ZNF148: variants seen among roughly 807,000 people sequenced by gnomAD.
The protein encoded by ZNF148 is Beta-Enolase Repressor Factor-1.
In ZNF148, 7 loss-of-function variants were observed where a neutral mutation model predicts 67.7. The ratio of observed to expected loss-of-function variants is 0.10; its 90% CI spans 0.06 to 0.19. The LOEUF (loss-of-function observed/expected upper bound fraction) is 0.19. Among genes scored for constraint, ZNF148 ranks in the 10% least tolerant of loss-of-function variants. ZNF148 has a pLI of 1.00. For synonymous variants in ZNF148, 333 were observed against 330.7 expected (o/e 1.01, Z -0.08); for missense variants, 583 against 947.1 (o/e 0.62, Z 5.05).
At chr3:125,264,014 A>C (rs1035479218) in intron 7 of ZNF148, among the ~76,000 whole-genome samples, 7 of 152,214 alleles carry the variant, frequency 4.6e-5, no homozygotes, top group Non-Finnish European at 1.0e-4. Context: ...AGGTTCTGAG[A>C]GCTTCTGGGT....
chr3:125,278,814 C>A (rs984636257), intron 6 of ZNF148, among the ~76,000 whole-genome samples: 1 of 152,114 alleles, frequency 6.6e-6, no homozygotes, highest in African/African-American at 2.4e-5. Context: ...ATTTTGCACA[C>A]ACAAAAAATG....
chr3:125,234,202 C>T lies in ZNF148; in HGVS notation c.786+9G>A. Reference sequence around the variant, plus strand: ...TTACAGTAGAAGAATTTCAAGCCATCTCTCTTACCTGTAAACAGTATTCAC... The same window carrying T: ...TTACAGTAGAAGAATTTCAAGCCATTTCTCTTACCTGTAAACAGTATTCAC... On this transcript the variant is annotated intron_variant, in intron 8 of 8. Coordinates refer to ENST00000360647, the MANE Select transcript of ZNF148 (RefSeq NM_021964.3). 1.3e-6 allele frequency: 2 copies of T among 1,539,656 alleles called. No homozygotes were observed. Among genetic ancestry groups the T allele is most frequent in the Non-Finnish European group, 1.8e-6 (2 of 1,121,342 alleles).
intron 4 of ZNF148, among the ~76,000 whole-genome samples, chr3:125,309,542 T>G (rs1940082975): frequency 6.6e-6 from 1 of 152,176 alleles, no homozygotes; most frequent in African/African-American, 2.4e-5. Flanking sequence ...GCAACTAAAT[T>G]AATTTGATAT....
At chr3:125,253,429 C>G (rs1001503119) in intron 7 of ZNF148, among the ~76,000 whole-genome samples, 3 of 151,972 alleles carry the variant, frequency 2.0e-5, no homozygotes, top group African/African-American at 7.2e-5. Flanking sequence ...TTCCTTCTTT[C>G]TTTACTTTTT....
At chr3:125,299,570 T>G (rs1386325168) in intron 4 of ZNF148, among the ~76,000 whole-genome samples, 2 of 152,128 alleles carry the variant, frequency 1.3e-5, no homozygotes, top group Non-Finnish European at 2.9e-5. Flanking sequence ...TCATGTCTAC[T>G]TAAGGGGGAA....
rs968610378 is a variant in ZNF148, at chr3:125,270,203, A to G, written c.667+7523T>C. On this transcript the variant is annotated intron_variant, in intron 7 of 8. Transcript: ENST00000360647. ...AGAGTAAACTGAGTATATTTTCTGG[A>G]ATAATTAAAAATGCACACTGAAGCT... 2.0e-5 allele frequency among the ~76,000 whole-genome samples: 3 copies of G among 152,210 alleles called. No individual in the cohort carries two copies. The South Asian group carries it at 6.2e-4, about 32-fold the overall frequency.
intron 5 of ZNF148, among the ~76,000 whole-genome samples, chr3:125,284,714 G>C (rs1429565380): frequency 1.3e-5 from 2 of 152,064 alleles, no homozygotes; most frequent in African/African-American, 4.8e-5. Flanking sequence ...TATTTAAAAG[G>C]TGTAAGCTTC....
intron 1 of ZNF148, among the ~76,000 whole-genome samples, chr3:125,350,909 A>G (rs1292778600): frequency 6.6e-6 from 1 of 152,238 alleles, no homozygotes; most frequent in Non-Finnish European, 1.5e-5. Context: ...CCTTAAGAAC[A>G]TTATAAGTGA....
intron 7 of ZNF148, among the ~76,000 whole-genome samples, chr3:125,275,190 T>A (rs188825707): frequency 6.6e-6 from 1 of 152,304 alleles, no homozygotes; most frequent in East Asian, 1.9e-4. Flanking sequence ...GAGGGAACAA[T>A]AGGGCAGAAT....
chr3:125,360,984 C>A (rs1942519444), intron 1 of ZNF148, among the ~76,000 whole-genome samples: 1 of 151,584 alleles, frequency 6.6e-6, no homozygotes. Flanking sequence ...TGAGCCATGA[C>A]TGGACCACTG....
At chr3:125,361,886 C>A (rs1942555129) in intron 1 of ZNF148, among the ~76,000 whole-genome samples, 1 of 152,010 alleles carries the variant, frequency 6.6e-6, no homozygotes, top group African/African-American at 2.4e-5. Flanking sequence ...GAGACCACCC[C>A]CCTTTTCTTT....
At position 125,232,623 on chromosome 3, in the gene ZNF148, T is replaced by A. The variant is rs1935904586; in HGVS notation, c.2103A>T (p.Ser701=). The A allele has an allele frequency of 1.9e-6, 3 of 1,613,794 alleles. No individual in the cohort carries two copies. The highest frequency in any genetic ancestry group is 2.5e-6 in the Non-Finnish European group (3 of 1,179,776). ...TCACTTGATCCAGAAAGTCCTGTGT[T>A]GATGTGGCAGAAGCATGGTTTGTCT... ...GDETNHASAT[S]TQDFLDQVTS... Residue 701 remains serine (S), a synonymous_variant, in exon 9 of 9, where the codon TCA becomes TCT. Coordinates refer to ENST00000360647, the MANE Select transcript of ZNF148 (RefSeq NM_021964.3). This position sits in a 1 kb window ranked among gnomAD's most constrained non-coding sequence, Gnocchi z 4.2.
At chr3:125,274,771 G>A (rs1937956947) in intron 7 of ZNF148, among the ~76,000 whole-genome samples, 1 of 152,184 alleles carries the variant, frequency 6.6e-6, no homozygotes, top group African/African-American at 2.4e-5. Context: ...ATGGAAAATG[G>A]AGCCTTTAAG....
chr3:125,291,089 G>A (rs1361151307), intron 4 of ZNF148, among the ~76,000 whole-genome samples: 2 of 152,054 alleles, frequency 1.3e-5, no homozygotes, highest in African/African-American at 2.4e-5. Context: ...TGCAAATTTT[G>A]GTCTACCCCC....
At chr3:125,334,406 T>C (rs1258016719) in intron 1 of ZNF148, among the ~76,000 whole-genome samples, 1 of 152,178 alleles carries the variant, frequency 6.6e-6, no homozygotes, top group African/African-American at 2.4e-5. Context: ...TAATGTGATA[T>C]AATTGAAGCA....
In ZNF148 at chr3:125,229,095, T is replaced by C. The variant is rs919992020; in HGVS notation, c.*3246A>G. The C allele has an allele frequency of 6.6e-6, 1 of 152,522 alleles. No homozygotes were observed. The highest frequency in any genetic ancestry group is 1.5e-5 in the Non-Finnish European group (1 of 68,008). The allele number at this position is 152,522 out of a possible 1,614,324, so 9.4% of individuals were successfully genotyped here. ...GACTCAAAATACTTCTCAATGATTA[T>C]TATAGTGCTTCTTCAAGTAAATATA... On this transcript the variant is annotated 3_prime_UTR_variant, in exon 9 of 9. Coordinates refer to ENST00000360647, the MANE Select transcript of ZNF148 (RefSeq NM_021964.3).
At chr3:125,236,622 G>A (rs1324349871) in intron 7 of ZNF148, among the ~76,000 whole-genome samples, 2 of 152,114 alleles carry the variant, frequency 1.3e-5, no homozygotes, top group Non-Finnish European at 2.9e-5. Flanking sequence ...AATTTAATTT[G>A]GCCACAAGTA....
intron 4 of ZNF148, among the ~76,000 whole-genome samples, chr3:125,307,934 C>A (rs956895491): frequency 3.8e-4 from 58 of 151,774 alleles, no homozygotes; most frequent in African/African-American, 1.4e-3. Context: ...AGATTACAGG[C>A]ATTAGCCACT....
At chr3:125,254,458 T>A (rs1936983136) in intron 7 of ZNF148, among the ~76,000 whole-genome samples, 1 of 152,202 alleles carries the variant, frequency 6.6e-6, no homozygotes, top group Non-Finnish European at 1.5e-5. Context: ...GTACTACTGA[T>A]TATTGATAAA....
Sources: gnomAD v4.1 joint callset for allele counts (sites outside exome capture counted in the v4.1 genomes callset) on GRCh38, gnomAD v4.1.1 for gene constraint, Gnocchi (gnomAD v3.1) non-coding constraint, MANE v1.5 for transcripts, NCBI Gene and HGNC (gene_info 2026-07-23, HGNC 2026-07-21) for gene names.